The following IFNGR2 variants were observed in gnomAD, a reference collection of about 807,000 sequenced individuals.
IFNGR2 encodes the protein interferon gamma receptor 2.
In IFNGR2, 15 loss-of-function variants were observed where a neutral mutation model predicts 41.1. That is an observed-to-expected ratio of 0.37 (90% CI 0.24 to 0.56). IFNGR2 has a LOEUF of 0.56. Ranked by LOEUF, IFNGR2 falls within the 20% of genes least tolerant of loss-of-function variation. IFNGR2 has a pLI of 0.81. For missense variants in IFNGR2, 362 were observed against 415.7 expected (o/e 0.87, Z 1.12); for synonymous variants, 161 against 171.6 (o/e 0.94, Z 0.48).
At chr21:33,410,166 ATTT>A (rs373991238) in intron 1 of IFNGR2, among the ~76,000 whole-genome samples, 15 of 137,152 alleles carry the variant, frequency 1.1e-4, no homozygotes, top group Admixed American at 2.2e-4. Context: ...AATTACAATA[ATTT>A]TTTTTTTTTT....
At chr21:33,404,976 G>A (rs1263205830) in intron 1 of IFNGR2, among the ~76,000 whole-genome samples, 3 of 152,058 alleles carry the variant, frequency 2.0e-5, no homozygotes, top group Admixed American at 2.0e-4. Flanking sequence ...ATACATAGCT[G>A]GGCGTGGTAG....
In IFNGR2 at chr21:33,403,590, TCGCCGCCGCCGC is replaced by T. The variant is rs765468464; in HGVS notation, c.51_62del (p.Ala19_Ala22del). 1.7e-5 allele frequency: 23 copies of T among 1,370,096 alleles called. No individual in the cohort carries two copies. In the Middle Eastern group the frequency reaches 1.1e-3, roughly 64 times the overall value. The allele number at this position is 1,370,096 out of a possible 1,614,324, so 84.9% of individuals were successfully genotyped here. ...TCGCTGCTGCTGCTGCTCGGAGTCT[TCGCCGCCGCCGC>T]CGCGGCCCCGCCAGGTGAGCCGGGC... On this transcript the variant is annotated inframe_deletion, in exon 1 of 7. Transcript: ENST00000290219.
chr21:33,406,896 G>A (rs17887186), intron 1 of IFNGR2, among the ~76,000 whole-genome samples: 31,213 of 151,718 alleles, frequency 0.21, 3,960 homozygotes, highest in East Asian at 0.42. Flanking sequence ...AGATCCACCC[G>A]CCTCAGCCTC....
At position 33,421,584 on chromosome 21, in the gene IFNGR2, G is replaced by A; in HGVS notation, c.311G>A (p.Gly104Asp). The change falls in exon 3 of 7, where the codon GGC becomes GAC. Residue 104 changes from glycine to aspartate, a missense_variant. Gly to Asp is a moderately conservative substitution (Grantham distance 94). Coordinates refer to ENST00000290219, the MANE Select transcript of IFNGR2 (RefSeq NM_005534.4). ...TTCACTGCCGCCAGTCCCTCAGCAG[G>A]CTTCCCAATGGATTTCAATGTCACT... ...CDFTAASPSA[G>D]FPMDFNVTLR... The A allele has an allele frequency of 6.2e-7, 1 of 1,614,066 alleles. No homozygotes were observed. Among genetic ancestry groups the A allele is most frequent in the Non-Finnish European group, 8.5e-7 (1 of 1,179,978 alleles).
At chr21:33,410,892 G>A in intron 1 of IFNGR2, 1 of 1,540,870 alleles carries the variant, frequency 6.5e-7, no homozygotes, top group Non-Finnish European at 8.8e-7. Flanking sequence ...AGCTACTCAT[G>A]GTAAGACAAG....
chr21:33,432,981 G>C (rs1354358681), intron 6 of IFNGR2, 110 bp downstream of exon 6: 1 of 910,674 alleles, frequency 1.1e-6, no homozygotes, highest in Non-Finnish European at 1.7e-6. Context: ...CATCTCCCAG[G>C]TTCAAGCGAT....
chr21:33,435,528 T>TG (rs1221356722), intron 6 of IFNGR2, among the ~76,000 whole-genome samples: 5 of 152,268 alleles, frequency 3.3e-5, no homozygotes, highest in Admixed American at 1.3e-4. Context: ...CATATTAACA[T>TG]GGTCAGCCCT....
intron 6 of IFNGR2, among the ~76,000 whole-genome samples, chr21:33,436,320 C>T (rs779053802): frequency 6.6e-6 from 1 of 151,348 alleles, no homozygotes; most frequent in Non-Finnish European, 1.5e-5. Flanking sequence ...CAACGTGAAA[C>T]TCCGTCTCAA....
chr21:33,424,312 AAG>A (rs1191724539), intron 3 of IFNGR2, among the ~76,000 whole-genome samples: 2 of 151,862 alleles, frequency 1.3e-5, no homozygotes, highest in African/African-American at 4.8e-5. Flanking sequence ...TAAAAAAAAA[AAG>A]GAATGATACT....
chr21:33,412,857 G>C (rs189796122), intron 1 of IFNGR2, among the ~76,000 whole-genome samples: 53 of 152,280 alleles, frequency 3.5e-4, no homozygotes, highest in African/African-American at 1.3e-3. Context: ...GCCCGGCCAG[G>C]AGTTTATTTC....
chr21:33,427,420 T>C (rs2083847629), intron 4 of IFNGR2, among the ~76,000 whole-genome samples: 1 of 152,118 alleles, frequency 6.6e-6, no homozygotes, highest in Admixed American at 6.6e-5. Context: ...TATAAATGTT[T>C]GAACAGTTTG....
chr21:33,417,624 A>G (rs1321537976), intron 2 of IFNGR2, among the ~76,000 whole-genome samples: 1 of 152,240 alleles, frequency 6.6e-6, no homozygotes, highest in East Asian at 1.9e-4. Context: ...AGTATTAAGA[A>G]TTTCAAGATG....
At chr21:33,405,407 G>A (rs1225954203) in intron 1 of IFNGR2, among the ~76,000 whole-genome samples, 1 of 152,160 alleles carries the variant, frequency 6.6e-6, no homozygotes, top group Non-Finnish European at 1.5e-5. Context: ...AGACAGATGG[G>A]TTCAAATCCT....
At chr21:33,434,820 A>T (rs1276765497) in intron 6 of IFNGR2, among the ~76,000 whole-genome samples, 2 of 152,268 alleles carry the variant, frequency 1.3e-5, no homozygotes, top group African/African-American at 4.8e-5. Flanking sequence ...TCAGAATCTT[A>T]CTTGCAGTAA....
At chr21:33,405,333 G>A (rs942832419) in intron 1 of IFNGR2, among the ~76,000 whole-genome samples, 5 of 152,104 alleles carry the variant, frequency 3.3e-5, no homozygotes, top group South Asian at 2.1e-4. Context: ...CATAAGTTCC[G>A]TATCTCCTTG....
chr21:33,436,080 G>A (rs149808920), intron 6 of IFNGR2, among the ~76,000 whole-genome samples: 82 of 151,576 alleles, frequency 5.4e-4, no homozygotes, highest in East Asian at 3.7e-3. Flanking sequence ...AATTGTTGCC[G>A]GGTGCAGTGG....
chr21:33,433,915 C>T (rs897306611), intron 6 of IFNGR2, among the ~76,000 whole-genome samples: 3 of 151,940 alleles, frequency 2.0e-5, no homozygotes, highest in Non-Finnish European at 4.4e-5. Flanking sequence ...GGGAAGTGGC[C>T]TGGCTGGAGG....
chr21:33,406,970 G>A lies in IFNGR2; in HGVS notation c.73+3354G>A, dbSNP rs146271307. ...GGCTCCGGAAACAGATTTTTTAAAG[G>A]GAGACATAGTATCTATCCCTTAGAG... is the stretch of plus-strand genomic sequence containing the variant. On this transcript the variant is annotated intron_variant, in intron 1 of 6. Transcript: ENST00000290219. Among the ~76,000 whole-genome samples the A allele has an allele frequency of 3.9e-5, 6 of 152,090 alleles. No homozygotes were observed. The East Asian group carries it at 1.2e-3, about 29-fold the overall frequency.
In IFNGR2 at chr21:33,403,582, C is replaced by CG; in HGVS notation, c.41dup (p.Val15SerfsTer43). On this transcript the variant is annotated frameshift_variant, in exon 1 of 7. Coordinates refer to ENST00000290219, the MANE Select transcript of IFNGR2 (RefSeq NM_005534.4). LOFTEE classifies it high-confidence loss of function. The stretch of plus-strand genomic sequence containing the variant: ...TGCTGTGGTCGCTGCTGCTGCTGCT[C>CG]GGAGTCTTCGCCGCCGCCGCCGCGG... 7.3e-7 allele frequency: 1 copy of CG among 1,374,308 alleles called. No individual in the cohort carries two copies. The highest frequency in any genetic ancestry group is 9.4e-7 in the Non-Finnish European group (1 of 1,060,486). 85.1% of individuals were successfully genotyped at this position (1,374,308 alleles called of 1,614,324 possible).
Sources: gnomAD v4.1 joint callset for allele counts (sites outside exome capture counted in the v4.1 genomes callset) on GRCh38, gnomAD v4.1.1 for gene constraint, MANE v1.5 for transcripts, NCBI Gene and HGNC (gene_info 2026-07-23, HGNC 2026-07-21) for gene names.